GDF3: variants seen among roughly 807,000 people sequenced by gnomAD.
The protein encoded by GDF3 is growth differentiation factor 3.
In GDF3, 10 loss-of-function variants were observed where a neutral mutation model predicts 10.2. The observed-to-expected ratio is 0.98, with a 90% CI of 0.60 to 1.66. GDF3 has a LOEUF of 1.66. GDF3 is among the 40% of genes most tolerant of loss of function. GDF3 has a pLI of 0.00. For synonymous variants in GDF3, 166 were observed against 178.5 expected (o/e 0.93, Z 0.56); for missense variants, 450 against 438.3 (o/e 1.03, Z -0.24).
At chr12:7,693,440 C>T (rs1864152418) in intron 1 of GDF3, among the ~76,000 whole-genome samples, 1 of 144,902 alleles carries the variant, frequency 6.9e-6, no homozygotes, top group Non-Finnish European at 1.5e-5. Context: ...GAGGGCCTTA[C>T]CATGTTGGCT....
In GDF3 at chr12:7,692,023, AT is replaced by A. The variant is rs201609800; in HGVS notation, c.269-1320del. Among the ~76,000 whole-genome samples, 1,404 of 151,640 alleles carry A rather than the reference AT, an allele frequency of 9.3e-3. 32 individuals carry two copies. The highest frequency in any genetic ancestry group is 0.031 in the African/African-American group (1,293 of 41,474). Reference sequence around the variant, plus strand: ...CTCTGCCTCAAAAAATAAAAAATAAATAAAAAATAAAAAAAGTTTTAAAAAA... The same window carrying A: ...CTCTGCCTCAAAAAATAAAAAATAAAAAAAAATAAAAAAAGTTTTAAAAAA... On this transcript the variant is annotated intron_variant, in intron 1 of 1. Transcript: ENST00000329913.
chr12:7,692,672 A>G (rs1864145790), intron 1 of GDF3, among the ~76,000 whole-genome samples: 1 of 151,604 alleles, frequency 6.6e-6, no homozygotes, highest in Admixed American at 6.6e-5. Flanking sequence ...ACGTCTGGCT[A>G]ATTGTATTTT....
chr12:7,693,371 A>ATTTTT (rs71038719), intron 1 of GDF3, among the ~76,000 whole-genome samples: 10 of 95,962 alleles, frequency 1.0e-4, no homozygotes, highest in African/African-American at 1.7e-4. Context: ...CACCTGGCTA[A>ATTTTT]TTTTTTTTTT....
At chr12:7,690,950 G>A (rs1204498239) in intron 1 of GDF3, among the ~76,000 whole-genome samples, 1 of 152,070 alleles carries the variant, frequency 6.6e-6, no homozygotes, top group African/African-American at 2.4e-5. Context: ...AGGAGATCGA[G>A]ACTATCCTGG....
chr12:7,691,798 G>GTC (rs1259287042), intron 1 of GDF3, among the ~76,000 whole-genome samples: 39,124 of 149,596 alleles, frequency 0.26, 5,137 homozygotes, highest in Non-Finnish European at 0.3. Context: ...ACGAGATGAG[G>GTC]AGATCGAGAC....
intron 1 of GDF3, among the ~76,000 whole-genome samples, chr12:7,691,730 A>G (rs1864132158): frequency 6.6e-6 from 1 of 152,034 alleles, no homozygotes; most frequent in Admixed American, 6.6e-5. Context: ...TTTAAAAGCC[A>G]GGCGTGGTGG....
chr12:7,690,324 G>A lies in GDF3; in HGVS notation c.649C>T (p.Gln217Ter). The A allele has an allele frequency of 6.2e-7, 1 of 1,614,072 alleles. No homozygotes were observed. The highest frequency in any genetic ancestry group is 2.2e-5 in the East Asian group (1 of 44,872). ...AGTCTGGCACAGGTGTCTTCAGGCTGAAAATTCACCCCTGAGTCTCTATCT... is the reference window on the plus strand; with the variant it reads ...AGTCTGGCACAGGTGTCTTCAGGCTAAAAATTCACCCCTGAGTCTCTATCT... ...KEDRDSGVNF[Q>*]PEDTCARLRC... The change falls in exon 2 of 2, where the codon CAG becomes TAG. Residue 217 changes from glutamine to a stop codon, truncating the protein, a stop_gained. Transcript: ENST00000329913. LOFTEE classifies it low-confidence loss of function (END_TRUNC).
In GDF3 at chr12:7,695,673, C is replaced by A. The variant is rs910448905; in HGVS notation, c.56G>T (p.Gly19Val). Residue 19 changes from glycine to valine, a missense_variant, in exon 1 of 2, where the codon GGC becomes GTC. Gly to Val is a moderately radical substitution (Grantham distance 109). Transcript: ENST00000329913. Reference protein sequence around the residue: ...AFSFLLILALGQAVQFQEYVF... With the variant: ...AFSFLLILALVQAVQFQEYVF... ...ATATTCTTGAAATTGGACTGCCTGG[C>A]CCAAAGCCAGAATTAACAGGAAGCT... 1 of 1,614,120 alleles carries A rather than the reference C, an allele frequency of 6.2e-7. No individual in the cohort carries two copies. The highest frequency in any genetic ancestry group is 1.3e-5 in the African/African-American group (1 of 75,034).
chr12:7,690,503 C>A lies in GDF3; in HGVS notation c.470G>T (p.Gly157Val), dbSNP rs1239441863. The A allele has an allele frequency of 2.5e-5, 41 of 1,613,436 alleles. No homozygotes were observed. The highest frequency in any genetic ancestry group is 3.4e-5 in the Non-Finnish European group (40 of 1,179,442). Residue 157 changes from glycine to valine, a missense_variant, in exon 2 of 2, where the codon GGC becomes GTC. Physicochemically the swap from Gly to Val is moderately radical, Grantham distance 109 (BLOSUM62 -3). Coordinates refer to ENST00000329913, the MANE Select transcript of GDF3 (RefSeq NM_020634.3). ...TTTACCTGGCTTAGGGGTGGTCTGG[C>A]CCCACACATGAGGCTCCTGAACCAG... ...LFLVQEPHVW[G>V]QTTPKPGKMF... is the part of the protein sequence containing the mutation.
chr12:7,691,614 G>A (rs761529798), intron 1 of GDF3, among the ~76,000 whole-genome samples: 2 of 151,570 alleles, frequency 1.3e-5, no homozygotes, highest in South Asian at 4.2e-4. Context: ...ACACTATGCC[G>A]AAATTTATGG....
chr12:7,695,768 G>C lies in GDF3; in HGVS notation c.-40C>G, dbSNP rs778063159. ...CTGTCAGACCGGGGAGAGCTCCACT[G>C]CCAGACTGCCCAACAATTCAGAGGC... On this transcript the variant is annotated 5_prime_UTR_variant, in exon 1 of 2. Transcript: ENST00000329913. 7.5e-6 allele frequency: 12 copies of C among 1,609,710 alleles called. No homozygotes were observed. Among genetic ancestry groups the C allele is most frequent in the African/African-American group, 2.7e-5 (2 of 74,850 alleles).
chr12:7,693,196 G>A (rs1864150034), intron 1 of GDF3, among the ~76,000 whole-genome samples: 1 of 151,644 alleles, frequency 6.6e-6, no homozygotes, highest in Non-Finnish European at 1.5e-5. Flanking sequence ...GCTTGAGTAG[G>A]TATTTTCTCT....
intron 1 of GDF3, among the ~76,000 whole-genome samples, chr12:7,693,000 G>A (rs1380621359): frequency 6.6e-6 from 1 of 151,986 alleles, no homozygotes; most frequent in African/African-American, 2.4e-5. Flanking sequence ...CTCTTCTGAA[G>A]TTACAAATGT....
Position 7,689,890 on chromosome 12 carries a change from A to G in GDF3, c.1083T>C (p.Cys361=), listed in dbSNP as rs774156825. ...CATTTCTGACATCCTACCCACACCCACATTCATCGACTACCATGTCTTCAT... is the reference window on the plus strand; with the variant it reads ...CATTTCTGACATCCTACCCACACCCGCATTCATCGACTACCATGTCTTCAT... ...RHYEDMVVDE[C]GCG is the part of the protein sequence containing the mutation. The change falls in exon 2 of 2, where the codon TGT becomes TGC. Residue 361 remains cysteine, a synonymous_variant. Coordinates refer to ENST00000329913, the MANE Select transcript of GDF3 (RefSeq NM_020634.3). 6.2e-7 allele frequency: 1 copy of G among 1,605,606 alleles called. No homozygotes were observed. Among genetic ancestry groups the G allele is most frequent in the South Asian group, 1.1e-5 (1 of 90,892 alleles).
intron 1 of GDF3, among the ~76,000 whole-genome samples, chr12:7,691,545 A>G (rs754661805): frequency 5.1e-4 from 78 of 151,566 alleles, no homozygotes; most frequent in African/African-American, 1.8e-3. Flanking sequence ...CATCTCTACA[A>G]AATAAATAAA....
At chr12:7,694,059 C>CT (rs1864158260) in intron 1 of GDF3, among the ~76,000 whole-genome samples, 1 of 152,052 alleles carries the variant, frequency 6.6e-6, no homozygotes, top group African/African-American at 2.4e-5. Context: ...GGATACAGCA[C>CT]GTGTGAGGAT....
chr12:7,693,522 G>C (rs568994164), intron 1 of GDF3, among the ~76,000 whole-genome samples: 4 of 151,238 alleles, frequency 2.6e-5, no homozygotes, highest in Non-Finnish European at 5.9e-5. Context: ...TTACAGGTGT[G>C]AGCCACCACG....
At position 7,695,629 on chromosome 12, in the gene GDF3, C is replaced by G. The variant is rs1864175465; in HGVS notation, c.100G>C (p.Gly34Arg). ...FQEYVFLQFL[G>R]LDKAPSPQKF... ...TGGGGTGAAGGCGCCTTATCTAAGC[C>G]CAGAAATTGGAGAAAGACATATTCT... The change falls in exon 1 of 2, where the codon GGC becomes CGC. Residue 34 changes from glycine to arginine, a missense_variant. Gly to Arg is a moderately radical substitution (Grantham distance 125). Coordinates refer to ENST00000329913, the MANE Select transcript of GDF3 (RefSeq NM_020634.3). The G allele has an allele frequency of 2.5e-6, 4 of 1,613,956 alleles. No individual in the cohort carries two copies. The South Asian group carries it at 3.3e-5, about 13-fold the overall frequency.
intron 1 of GDF3, among the ~76,000 whole-genome samples, chr12:7,694,248 C>G (rs1312470313): frequency 6.6e-6 from 1 of 151,902 alleles, no homozygotes; most frequent in East Asian, 1.9e-4. Flanking sequence ...AGGAGCAGTA[C>G]GACTCAATAC....
Sources: allele counts gnomAD v4.1 joint callset (sites outside exome capture counted in the v4.1 genomes callset), GRCh38; gene constraint gnomAD v4.1.1; transcripts MANE v1.5; gene names NCBI Gene and HGNC (gene_info 2026-07-23, HGNC 2026-07-21).